Variants in ACSM1 observed in about 807,000 individuals in gnomAD.
The protein encoded by ACSM1 is acyl-CoA synthetase medium chain family member 1, also known as acyl-coenzyme A synthetase ACSM1, mitochondrial.
ACSM1 carries 79 observed loss-of-function variants against 75.8 expected under a neutral mutation model. That is an observed-to-expected ratio of 1.04 (90% CI 0.87 to 1.26). The LOEUF (loss-of-function observed/expected upper bound fraction) is 1.26. Ranked by LOEUF, ACSM1 falls within the 50% of genes most tolerant of loss-of-function variation. The pLI, the probability that ACSM1 is intolerant of heterozygous loss-of-function variation, is 0.00. For missense variants in ACSM1, 676 were observed against 720.1 expected (o/e 0.94, Z 0.70); for synonymous variants, 279 against 265.8 (o/e 1.05, Z -0.48).
chr16:20,692,941 C>G (rs374575716), intron 1 of ACSM1, among the ~76,000 whole-genome samples: 249 of 152,090 alleles, frequency 1.6e-3, no homozygotes, highest in African/African-American at 5.6e-3. Context: ...GAGGCTGAGG[C>G]AGGTGGATCA....
At chr16:20,677,195 A>T (rs2020339123) in intron 4 of ACSM1, among the ~76,000 whole-genome samples, 1 of 150,814 alleles carries the variant, frequency 6.6e-6, no homozygotes, top group South Asian at 2.1e-4. Flanking sequence ...CTCCTCTAGG[A>T]GGCTAACCAG....
At chr16:20,686,444 G>A (rs1172220879) in intron 2 of ACSM1, among the ~76,000 whole-genome samples, 1 of 152,006 alleles carries the variant, frequency 6.6e-6, no homozygotes, top group East Asian at 1.9e-4. Context: ...ACAGGCAGGG[G>A]AACAACACAC....
chr16:20,687,587 G>A (rs2079576015), intron 2 of ACSM1, among the ~76,000 whole-genome samples: 1 of 152,044 alleles, frequency 6.6e-6, no homozygotes, highest in Middle Eastern at 3.2e-3. Context: ...GGAAAACATG[G>A]CTCATTCAAG....
intron 4 of ACSM1, chr16:20,681,839 C>T (rs929517529): frequency 2.6e-5 from 4 of 155,664 alleles, no homozygotes; most frequent in African/African-American, 9.6e-5. Flanking sequence ...AATTCACTGC[C>T]TGTTTTTCCG....
chr16:20,690,994 T>G lies in ACSM1; in HGVS notation c.192+3A>C, dbSNP rs1317100961. 6.2e-7 allele frequency: 1 copy of G among 1,608,090 alleles called. No individual in the cohort carries two copies. Among genetic ancestry groups the G allele is most frequent in the African/African-American group, 1.3e-5 (1 of 74,550 alleles). ...TATATCGCCATCACGGCAGATCTCT[T>G]ACCTTCTCCTTTTGAGCCCAGTAGT... On this transcript the variant is annotated splice_donor_region_variant and intron_variant, in intron 2 of 13. Transcript: ENST00000520010.
intron 3 of ACSM1, among the ~76,000 whole-genome samples, chr16:20,684,025 G>GA (rs2079502163): frequency 6.6e-6 from 1 of 152,138 alleles, no homozygotes; most frequent in Admixed American, 6.5e-5. Context: ...CGGAGAGAGA[G>GA]AAAATATGAT....
intron 3 of ACSM1, among the ~76,000 whole-genome samples, chr16:20,682,896 T>C (rs896925387): frequency 6.6e-6 from 1 of 152,076 alleles, no homozygotes; most frequent in East Asian, 1.9e-4. Flanking sequence ...ATCTTGAATG[T>C]CCCCTCTTTC....
chr16:20,624,260 C>G lies in ACSM1; in HGVS notation c.1528-45G>C, dbSNP rs751977669. 1.9e-6 allele frequency: 3 copies of G among 1,552,820 alleles called. No homozygotes were observed. The East Asian group carries it at 6.9e-5, about 36-fold the overall frequency. On this transcript the variant is annotated intron_variant, in intron 12 of 13. Coordinates refer to ENST00000520010, the MANE Select transcript of ACSM1 (RefSeq NM_001318890.3). ...GCTCACAGTGAGTGCCAACCTACTC[C>G]ATAGCTTAAAAAGTCAATGTTTATT...
chr16:20,658,773 A>C (rs1195804807), intron 7 of ACSM1, among the ~76,000 whole-genome samples: 2 of 151,776 alleles, frequency 1.3e-5, no homozygotes, highest in African/African-American at 2.4e-5. Context: ...CACCCTCCTC[A>C]GGATGCTATA....
At chr16:20,650,540 G>C (rs2018589573) in intron 7 of ACSM1, among the ~76,000 whole-genome samples, 1 of 152,018 alleles carries the variant, frequency 6.6e-6, no homozygotes, top group Admixed American at 6.6e-5. Flanking sequence ...CCTCTGGAGA[G>C]AGAAACCCAG....
At chr16:20,695,953 A>T (rs985931878) in intron 1 of ACSM1, among the ~76,000 whole-genome samples, 2 of 152,250 alleles carry the variant, frequency 1.3e-5, no homozygotes, top group African/African-American at 4.8e-5. Context: ...TGTCATTGTC[A>T]GTGATGGATC....
At chr16:20,668,594 A>G (rs953583740) in intron 6 of ACSM1, among the ~76,000 whole-genome samples, 3 of 152,210 alleles carry the variant, frequency 2.0e-5, no homozygotes, top group African/African-American at 7.2e-5. Context: ...TGGGAGAATC[A>G]GCTTGGACCG....
chr16:20,640,782 G>C (rs765860234), intron 7 of ACSM1, among the ~76,000 whole-genome samples, 198 bp from the exon 8 acceptor site: 4 of 152,224 alleles, frequency 2.6e-5, no homozygotes, highest in African/African-American at 9.6e-5. Context: ...TCTGGCAGAC[G>C]GTGGATGGGT....
chr16:20,665,666 G>A (rs1365390428), intron 6 of ACSM1, among the ~76,000 whole-genome samples: 1 of 152,036 alleles, frequency 6.6e-6, no homozygotes, highest in Non-Finnish European at 1.5e-5. Context: ...ACCAAAATAT[G>A]GCAGAGATAC....
intron 10 of ACSM1, among the ~76,000 whole-genome samples, chr16:20,633,222 A>G (rs527647678): frequency 3.3e-5 from 5 of 152,336 alleles, no homozygotes; most frequent in Non-Finnish European, 7.4e-5. Context: ...AAGTAAAATT[A>G]TCTCTGCATG....
At chr16:20,665,404 G>A (rs1400973001) in intron 6 of ACSM1, among the ~76,000 whole-genome samples, 2 of 152,094 alleles carry the variant, frequency 1.3e-5, no homozygotes, top group African/African-American at 4.8e-5. Context: ...TACAGGAAAT[G>A]GATAAATTCT....
In ACSM1 at chr16:20,669,939, G is replaced by T. The variant is rs781373474; in HGVS notation, c.800C>A (p.Ser267Ter). Residue 267 changes from serine to a stop codon, truncating the protein, a stop_gained, in exon 6 of 14, where the codon TCG (serine) becomes TAG (stop). Coordinates refer to ENST00000520010, the MANE Select transcript of ACSM1 (RefSeq NM_001318890.3). LOFTEE classifies it high-confidence loss of function. ...LKTSDVSWCL[S>*]DSGWIVATIW... Reference sequence around the variant, plus strand: ...GGTAGCCACAATCCATCCTGAGTCCGACAGGCACCAGGAGACATCAGATGT... The same window carrying T: ...GGTAGCCACAATCCATCCTGAGTCCTACAGGCACCAGGAGACATCAGATGT... The T allele has an allele frequency of 6.2e-6, 10 of 1,613,700 alleles. No individual in the cohort carries two copies. The highest frequency in any genetic ancestry group is 8.5e-6 in the Non-Finnish European group (10 of 1,179,878).
chr16:20,678,769 G>A (rs953920763), intron 4 of ACSM1, among the ~76,000 whole-genome samples: 5 of 152,224 alleles, frequency 3.3e-5, no homozygotes, highest in African/African-American at 4.8e-5. Flanking sequence ...CGAAGAGCAT[G>A]AACCAGACAC....
intron 8 of ACSM1, 77 bp downstream of exon 8, chr16:20,640,384 T>C (rs1479291486): frequency 6.5e-7 from 1 of 1,542,072 alleles, no homozygotes; most frequent in African/African-American, 1.4e-5. Context: ...CCCAGATGCG[T>C]GTCATTAACC....
Sources: gnomAD v4.1 joint callset for allele counts (sites outside exome capture counted in the v4.1 genomes callset) on GRCh38, gnomAD v4.1.1 for gene constraint, MANE v1.5 for transcripts, NCBI Gene and HGNC (gene_info 2026-07-23, HGNC 2026-07-21) for gene names.